The following LMNTD2 variants were observed in gnomAD, a reference collection of about 807,000 sequenced individuals.
LMNTD2 encodes lamin tail domain containing 2.
In LMNTD2, 83 loss-of-function variants were observed where a neutral mutation model predicts 70.1. The observed-to-expected ratio is 1.18, with a 90% confidence interval of 0.99 to 1.42. LMNTD2 has a LOEUF of 1.42. LMNTD2 is among the 40% of genes most tolerant of loss of function. LMNTD2 has a pLI of 0.00. For synonymous variants in LMNTD2, 534 were observed against 406.1 expected (o/e 1.31, Z -3.79); for missense variants, 1,153 against 905.9 (o/e 1.27, Z -3.50).
In LMNTD2 at chr11:557,894, C is replaced by A. The variant is rs772675163; in HGVS notation, c.545G>T (p.Gly182Val). The change falls in exon 5 of 14, where the codon GGC becomes GTC. Residue 182 changes from glycine to valine, a missense_variant. Coordinates refer to ENST00000329451, the MANE Select transcript of LMNTD2 (RefSeq NM_173573.3). ...GGGGGACAGGCTCACCTCCACACTG[C>A]CAGTCTGGGATCGTAGCATGCGGCC... ...WVGRMLRSQT[G>V]SVEVVTAETL... is the part of the protein sequence containing the mutation. 1 of 1,569,994 alleles carries A rather than the reference C, an allele frequency of 6.4e-7. No homozygotes were observed. The highest frequency in any genetic ancestry group is 1.3e-5 in the African/African-American group (1 of 74,154).
intron 1 of LMNTD2, chr11:559,270 G>A: frequency 1.3e-6 from 2 of 1,483,374 alleles, no homozygotes; most frequent in African/African-American, 2.8e-5. Flanking sequence ...CCCAGGTGCT[G>A]GCCCTTTGCC....
At position 556,925 on chromosome 11, in the gene LMNTD2, C is replaced by G. The variant is rs1024082351; in HGVS notation, c.886G>C (p.Val296Leu). The G allele has an allele frequency of 6.3e-6, 10 of 1,598,560 alleles. No individual in the cohort carries two copies. The highest frequency in any genetic ancestry group is 1.7e-4 in the Middle Eastern group (1 of 6,054). ...CGGGGCGGGTGCCCTATCACCTGCACGAAGGAAGGCAGGCCCGGCCGGCAG... is the reference window on the plus strand; with the variant it reads ...CGGGGCGGGTGCCCTATCACCTGCAGGAAGGAAGGCAGGCCCGGCCGGCAG... ...SSCRPGLPSF[V>L]QVIGHPPRDH... The change falls in exon 8 of 14, where the codon GTG becomes CTG. Residue 296 changes from valine to leucine, a missense_variant. By Grantham distance (32) the Val-to-Leu change is conservative (BLOSUM62 1). Transcript: ENST00000329451.
At position 555,492 on chromosome 11, in the gene LMNTD2, A is replaced by C; in HGVS notation, c.1586T>G (p.Leu529Arg). 7.3e-7 allele frequency: 1 copy of C among 1,364,168 alleles called. No individual in the cohort carries two copies. Among genetic ancestry groups the C allele is most frequent in the Non-Finnish European group, 9.4e-7 (1 of 1,064,884 alleles). The allele number at this position is 1,364,168 out of a possible 1,614,324, so 84.5% of individuals were successfully genotyped here. ...CTTCCCCGAGCTCACTGGGGGCAGCAGGCCCCGCGTCCTGGTGGGGCGAGG... is the reference window on the plus strand; with the variant it reads ...CTTCCCCGAGCTCACTGGGGGCAGCCGGCCCCGCGTCCTGGTGGGGCGAGG... Reference protein sequence around the residue: ...VSRRRPGTRGLLPPVSSGKLF... With the variant: ...VSRRRPGTRGRLPPVSSGKLF... Residue 529 changes from leucine (L) to arginine (R), a missense_variant, in exon 13 of 14, where the codon CTG becomes CGG. Leu to Arg is a moderately radical substitution (Grantham distance 102). Coordinates refer to ENST00000329451, the MANE Select transcript of LMNTD2 (RefSeq NM_173573.3).
intron 12 of LMNTD2, 38 bp downstream of exon 12, chr11:555,696 G>A (rs916113064): frequency 5.1e-6 from 7 of 1,370,492 alleles, no homozygotes; most frequent in Non-Finnish European, 6.5e-6. Flanking sequence ...TCGGGGCCTG[G>A]GGAGGGAGGC....
intron 10 of LMNTD2, 27 bp from the exon 11 acceptor site, chr11:556,142 G>GGGGCGGCCGGGCCGGGCCGTCGGGGCC: frequency 7.5e-7 from 1 of 1,329,536 alleles, no homozygotes; most frequent in Non-Finnish European, 9.5e-7. Flanking sequence ...CGGCGGGTGA[G>GGGGCGGCCGGGCCGGGCCGTCGGGGCC]GGGCGGCCGG....
Position 556,069 on chromosome 11 carries a change from G to A in LMNTD2, c.1304C>T (p.Ser435Phe), listed in dbSNP as rs761789768. 16 of 1,545,370 alleles carry A rather than the reference G, an allele frequency of 1.0e-5. No individual in the cohort carries two copies. In the South Asian group the frequency reaches 1.3e-4, roughly 12 times the overall value. Residue 435 changes from serine to phenylalanine, a missense_variant, in exon 11 of 14, where the codon TCC becomes TTC. By Grantham distance (155) the Ser-to-Phe change is radical (BLOSUM62 -2). Coordinates refer to ENST00000329451, the MANE Select transcript of LMNTD2 (RefSeq NM_173573.3). ...TRSAKKPLRASSSREPVPLLS... is the reference protein window; with the variant it reads ...TRSAKKPLRAFSSREPVPLLS... ...GAGGGGAACGGGCTCCCGGCTCGAG[G>A]ACGCGCGCAGCGGCTTCTTGGCGCT...
chr11:555,755 C>A lies in LMNTD2; in HGVS notation c.1553G>T (p.Arg518Leu). The change falls in exon 12 of 14, where the codon CGG (arginine) becomes CTG (leucine). Residue 518 changes from arginine (R) to leucine (L), a missense_variant. Coordinates refer to ENST00000329451, the MANE Select transcript of LMNTD2 (RefSeq NM_173573.3). Reference sequence around the variant, plus strand: ...CCACCCTGGTCTCCGGCGACTGACCCGGGGCTCCCGCACCCGGCCTTTGCG... The same window carrying A: ...CCACCCTGGTCTCCGGCGACTGACCAGGGGCTCCCGCACCCGGCCTTTGCG... ...PLRKGRVREP[R>L]VSRRRPGTRG... is the part of the protein sequence containing the mutation. 1 of 1,431,620 alleles carries A rather than the reference C, an allele frequency of 7.0e-7. No individual in the cohort carries two copies. Among genetic ancestry groups the A allele is most frequent in the Non-Finnish European group, 9.0e-7 (1 of 1,105,304 alleles). The allele number at this position is 1,431,620 out of a possible 1,614,324, so 88.7% of individuals were successfully genotyped here. A position where few individuals can be genotyped will look rare whatever the true frequency, so the allele number is the denominator to read the frequency against.
Position 558,937 on chromosome 11 carries a change from G to A in LMNTD2, c.77C>T (p.Ala26Val), listed in dbSNP as rs1357275626. 17 of 1,606,314 alleles carry A rather than the reference G, an allele frequency of 1.1e-5. No homozygotes were observed. The Admixed American group carries it at 2.3e-4, about 22-fold the overall frequency. Residue 26 changes from alanine to valine, a missense_variant, in exon 2 of 14, where the codon GCA becomes GTA. Physicochemically the swap from Ala to Val is moderately conservative, Grantham distance 64. Coordinates refer to ENST00000329451, the MANE Select transcript of LMNTD2 (RefSeq NM_173573.3). ...VSGHLGPPAG[A>V]PAAPETPTCL... ...CGTGGGAGTCTCGGGGGCTGCAGGTGCGCCTGCTGGAGGTCCCAGGTGACC... is the reference window on the plus strand; with the variant it reads ...CGTGGGAGTCTCGGGGGCTGCAGGTACGCCTGCTGGAGGTCCCAGGTGACC...
intron 11 of LMNTD2, 27 bp from the exon 12 acceptor site, chr11:555,957 AC>A: frequency 1.3e-6 from 2 of 1,523,614 alleles, no homozygotes; most frequent in South Asian, 1.2e-5. Context: ...TCACCCCCAC[AC>A]CCCAGCCCCG....
chr11:557,767 G>A, intron 5 of LMNTD2, 117 bp downstream of exon 5: 4 of 1,550,422 alleles, frequency 2.6e-6, no homozygotes, highest in Non-Finnish European at 3.5e-6. Flanking sequence ...AGTTCCAGAG[G>A]CACCTGAGCA....
chr11:560,290 G>C, intron 1 of LMNTD2: 3 of 1,041,334 alleles, frequency 2.9e-6, no homozygotes, highest in Non-Finnish European at 3.5e-6. Flanking sequence ...AGGGGGTGAA[G>C]GAGCGGCTTC....
At chr11:558,280 C>A in intron 3 of LMNTD2, 32 bp from the exon 4 acceptor site, 5 of 1,604,560 alleles carry the variant, frequency 3.1e-6, no homozygotes, top group Non-Finnish European at 4.3e-6. Flanking sequence ...CAGCCCCCAC[C>A]CTGCTCAGGC....
At chr11:559,470 C>A (rs1010006116) in intron 1 of LMNTD2, 3 of 1,301,162 alleles carry the variant, frequency 2.3e-6, no homozygotes, top group Middle Eastern at 2.2e-4. Context: ...CCAGACCAGG[C>A]CCCTAGGTGA....
In LMNTD2 at chr11:555,390, G is replaced by A. The variant is rs745732985; in HGVS notation, c.1688C>T (p.Pro563Leu). The A allele has an allele frequency of 2.1e-6, 3 of 1,408,650 alleles. No individual in the cohort carries two copies. Among genetic ancestry groups the A allele is most frequent in the Admixed American group, 3.2e-5 (1 of 31,422 alleles). The allele number at this position is 1,408,650 out of a possible 1,614,324, so 87.3% of individuals were successfully genotyped here. The change falls in exon 13 of 14, where the codon CCG becomes CTG. Residue 563 changes from proline to leucine, a missense_variant. Physicochemically the swap from Pro to Leu is moderately conservative, Grantham distance 98 (BLOSUM62 -3). Coordinates refer to ENST00000329451, the MANE Select transcript of LMNTD2 (RefSeq NM_173573.3). The part of the protein sequence containing the change: ...IPAPQHLPAI[P>L]GDPTLPSPPA... The stretch of plus-strand genomic sequence containing the variant: ...AGGCGACGGCAGGGTGGGGTCACCC[G>A]GGATGGCGGGCAGGTGCTGCGGCGC...
At position 556,483 on chromosome 11, in the gene LMNTD2, G is replaced by GC. The variant is rs1852883684; in HGVS notation, c.1073+8dup. ...CCGGCGCCGGAGGCTTGGGTCACTC[G>GC]CCCCTTACCTCTGCAGGAGTTCCGG... is the stretch of plus-strand genomic sequence containing the variant. On this transcript the variant is annotated intron_variant, in intron 9 of 13. Coordinates refer to ENST00000329451, the MANE Select transcript of LMNTD2 (RefSeq NM_173573.3). 1 of 1,550,114 alleles carries GC rather than the reference G, an allele frequency of 6.5e-7. No individual in the cohort carries two copies. The highest frequency in any genetic ancestry group is 1.2e-5 in the South Asian group (1 of 84,082).
chr11:560,460 G>T, intron 1 of LMNTD2: 1 of 1,253,918 alleles, frequency 8.0e-7, no homozygotes, highest in South Asian at 3.2e-5. Flanking sequence ...CCCTCGCCGG[G>T]ACTGGTGACC....
chr11:558,662 G>A lies in LMNTD2; in HGVS notation c.263C>T (p.Ala88Val), dbSNP rs892524260. The change falls in exon 3 of 14, where the codon GCC becomes GTC. Residue 88 changes from alanine (A) to valine (V), a missense_variant. By Grantham distance (64) the Ala-to-Val change is moderately conservative. Coordinates refer to ENST00000329451, the MANE Select transcript of LMNTD2 (RefSeq NM_173573.3). The part of the protein sequence containing the change: ...LRWAIQNGED[A>V]RLCHILEEVA... ...CTCTTCCAGGATGTGGCAGAGCCGG[G>A]CGTCCTCGCCATTCTGGATGGCCCA... 8.1e-6 allele frequency: 13 copies of A among 1,605,672 alleles called. No individual in the cohort carries two copies. The highest frequency in any genetic ancestry group is 1.1e-5 in the Non-Finnish European group (13 of 1,177,622).
At position 557,580 on chromosome 11, in the gene LMNTD2, T is replaced by A. The variant is rs746348764; in HGVS notation, c.616A>T (p.Thr206Ser). The A allele has an allele frequency of 1.2e-6, 2 of 1,613,312 alleles. No individual in the cohort carries two copies. The highest frequency in any genetic ancestry group is 1.1e-5 in the South Asian group (1 of 91,076). ...TGGGAGGCCTAGCTCACCTCCCCGG[T>A]GGGGGCCTGAATGTTTTCAGAGAGG... ...SDLSENIQAP[T>S]GEGFRLEDVD... is the part of the protein sequence containing the mutation. Residue 206 changes from threonine (T) to serine (S), a missense_variant, in exon 6 of 14, where the codon ACC becomes TCC. Physicochemically the swap from Thr to Ser is moderately conservative, Grantham distance 58 (BLOSUM62 1). Transcript: ENST00000329451.
chr11:555,124 G>C lies in LMNTD2; in HGVS notation c.1774-13C>G, dbSNP rs563639204. On this transcript the variant is annotated splice_polypyrimidine_tract_variant and intron_variant, in intron 13 of 13. Coordinates refer to ENST00000329451, the MANE Select transcript of LMNTD2 (RefSeq NM_173573.3). Reference sequence around the variant, plus strand: ...TCTTCCGGCACACCTGGGGGGCGCGGGGGCTGAGAGGCGCGCGGGGCGGGG... The same window carrying C: ...TCTTCCGGCACACCTGGGGGGCGCGCGGGCTGAGAGGCGCGCGGGGCGGGG... The C allele has an allele frequency of 1.3e-4, 175 of 1,395,790 alleles. 1 individual carries two copies. The African/African-American group carries it at 2.5e-3, about 20-fold the overall frequency. The allele number at this position is 1,395,790 out of a possible 1,614,324, so 86.5% of individuals were successfully genotyped here. A position where few individuals can be genotyped will look rare whatever the true frequency, so the allele number is the denominator to read the frequency against.
Sources: allele counts gnomAD v4.1 joint callset, GRCh38; gene constraint gnomAD v4.1.1; transcripts MANE v1.5; gene names NCBI Gene and HGNC (gene_info 2026-07-23, HGNC 2026-07-21).